Variants in ALKBH8 observed in about 807,000 individuals in gnomAD.
ALKBH8 encodes alkB homolog 8, tRNA methyltransferase.
Under a neutral mutation model 59.8 loss-of-function variants are expected in ALKBH8, and 36 were observed. The ratio of observed to expected loss-of-function variants is 0.60; its 90% CI spans 0.46 to 0.79. The LOEUF (loss-of-function observed/expected upper bound fraction) is 0.79. ALKBH8 is among the 30% of genes least tolerant of loss of function. The probability of loss-of-function intolerance (pLI) is 0.00; values close to 1 mark genes in which losing one functional copy is unlikely to be tolerated. For synonymous variants in ALKBH8, 276 were observed against 273.6 expected (o/e 1.01, Z -0.09); for missense variants, 768 against 801.0 (o/e 0.96, Z 0.50).
At chr11:107,548,637 T>C (rs1314294236) in intron 7 of ALKBH8, among the ~76,000 whole-genome samples, 1 of 152,226 alleles carries the variant, frequency 6.6e-6, no homozygotes, top group Non-Finnish European at 1.5e-5. Flanking sequence ...ACACCACTAA[T>C]TGTCAAGTGA....
intron 6 of ALKBH8, among the ~76,000 whole-genome samples, chr11:107,550,356 A>G (rs762913818): frequency 4.2e-4 from 64 of 152,374 alleles, no homozygotes; most frequent in Middle Eastern, 6.8e-3. Flanking sequence ...TTACAAGCCA[A>G]TGGAAAGACA....
intron 10 of ALKBH8, among the ~76,000 whole-genome samples, chr11:107,515,063 G>A (rs991601522): frequency 2.0e-5 from 3 of 152,118 alleles, no homozygotes; most frequent in Non-Finnish European, 4.4e-5. Context: ...ACTGACCAAC[G>A]ACCTGACTCA....
Position 107,525,547 on chromosome 11 carries a change from A to G in ALKBH8, c.924T>C (p.Leu308=), listed in dbSNP as rs1193867418. The change falls in exon 9 of 12, where the codon CTT becomes CTC. Residue 308 remains leucine (L), a synonymous_variant. Coordinates refer to ENST00000428149, the MANE Select transcript of ALKBH8 (RefSeq NM_138775.3). ...KFDTVQASES[L]KSGIITSDVG... ...CATCACTGGTGATAATTCCACTTTT[A>G]AGACTCTCAGATGCTTGAACAGTAT... 1.3e-6 allele frequency: 2 copies of G among 1,528,386 alleles called. No individual in the cohort carries two copies. Among genetic ancestry groups the G allele is most frequent in the Admixed American group, 4.3e-5 (2 of 46,234 alleles). 94.7% of individuals were successfully genotyped at this position (1,528,386 alleles called of 1,614,324 possible).
intron 10 of ALKBH8, among the ~76,000 whole-genome samples, chr11:107,511,609 T>G (rs943696835): frequency 6.6e-6 from 1 of 152,126 alleles, no homozygotes; most frequent in Non-Finnish European, 1.5e-5. Flanking sequence ...GGAGTTTCGC[T>G]CTTGTTGCCC....
intron 1 of ALKBH8, chr11:107,563,438 A>C (rs1865013375): frequency 1.3e-5 from 2 of 152,240 alleles, no homozygotes; most frequent in African/African-American, 4.8e-5. Context: ...TGAGTTGGTT[A>C]TATAGCTCTG....
At chr11:107,546,273 T>C (rs1449375918) in intron 7 of ALKBH8, among the ~76,000 whole-genome samples, 1 of 152,228 alleles carries the variant, frequency 6.6e-6, no homozygotes. Context: ...ACTCTTACGG[T>C]ACTTGATGAA....
In ALKBH8 at chr11:107,525,429, G is replaced by A. The variant is rs772966874; in HGVS notation, c.1030+12C>T. The A allele has an allele frequency of 1.6e-4, 242 of 1,541,258 alleles. No individual in the cohort carries two copies. Among genetic ancestry groups the A allele is most frequent in the Non-Finnish European group, 2.1e-4 (235 of 1,142,574 alleles). ...ACTCCATTTTACAGACGAGATAAGA[G>A]TATATACTTACTACAGTTACAAGGT... On this transcript the variant is annotated intron_variant, in intron 9 of 11. Transcript: ENST00000428149.
intron 6 of ALKBH8, among the ~76,000 whole-genome samples, chr11:107,550,192 C>T (rs768293900): frequency 6.6e-6 from 1 of 152,150 alleles, no homozygotes; most frequent in South Asian, 2.1e-4. Flanking sequence ...AAAGCAATAA[C>T]CAGGTATAAA....
At chr11:107,537,197 C>T (rs888905997) in intron 7 of ALKBH8, among the ~76,000 whole-genome samples, 7 of 152,218 alleles carry the variant, frequency 4.6e-5, no homozygotes, top group African/African-American at 1.2e-4. Flanking sequence ...TAGTTTTGTG[C>T]AGTGTTTCCA....
chr11:107,535,129 C>G (rs189507323), intron 7 of ALKBH8, among the ~76,000 whole-genome samples: 1 of 152,278 alleles, frequency 6.6e-6, no homozygotes, highest in Non-Finnish European at 1.5e-5. Context: ...TCTATATATA[C>G]CACATTTTCT....
At chr11:107,565,219 G>C (rs372813722) in intron 1 of ALKBH8, 21 of 251,888 alleles carry the variant, frequency 8.3e-5, no homozygotes, top group Middle Eastern at 1.3e-3. Flanking sequence ...ACTCAGCTGC[G>C]CAAGGGATCA....
At chr11:107,545,643 C>G (rs605362) in intron 7 of ALKBH8, among the ~76,000 whole-genome samples, 2,952 of 152,288 alleles carry the variant, frequency 0.019, 91 homozygotes, top group African/African-American at 0.066. Flanking sequence ...GATGAACGGA[C>G]TTCCATAAAA....
At chr11:107,530,764 A>G (rs1863562252) in intron 8 of ALKBH8, among the ~76,000 whole-genome samples, 1 of 152,178 alleles carries the variant, frequency 6.6e-6, no homozygotes, top group Admixed American at 6.5e-5. Flanking sequence ...TTAAAAATAA[A>G]TATTACCTAT....
chr11:107,544,815 C>CCACACACACA (rs5794557), intron 7 of ALKBH8, among the ~76,000 whole-genome samples: 33 of 138,558 alleles, frequency 2.4e-4, no homozygotes, highest in Non-Finnish European at 3.4e-4. Context: ...TAGATACAAA[C>CCACACACACA]CACACACACA....
Position 107,557,021 on chromosome 11 carries a change from C to A in ALKBH8, c.130-18G>T, listed in dbSNP as rs1205519102. ...ACCAGGCTCTTAAAAAACAAACAAACAAACAAAAAGAAAGTAACATGAGCA... is the reference window on the plus strand; with the variant it reads ...ACCAGGCTCTTAAAAAACAAACAAAAAAACAAAAAGAAAGTAACATGAGCA... On this transcript the variant is annotated intron_variant, in intron 2 of 11. Transcript: ENST00000428149. 2 of 1,505,164 alleles carry A rather than the reference C, an allele frequency of 1.3e-6. No homozygotes were observed. Among genetic ancestry groups the A allele is most frequent in the Admixed American group, 2.2e-5 (1 of 45,688 alleles). 93.2% of individuals were successfully genotyped at this position (1,505,164 alleles called of 1,614,324 possible). A position where few individuals can be genotyped will look rare whatever the true frequency, so the allele number is the denominator to read the frequency against.
intron 7 of ALKBH8, among the ~76,000 whole-genome samples, chr11:107,545,476 T>C (rs1376507153): frequency 6.6e-6 from 1 of 152,124 alleles, no homozygotes; most frequent in Non-Finnish European, 1.5e-5. Context: ...TCAACAGGTA[T>C]TTGCTGAAAG....
chr11:107,544,546 G>T (rs1864170359), intron 7 of ALKBH8, among the ~76,000 whole-genome samples: 1 of 152,098 alleles, frequency 6.6e-6, no homozygotes, highest in Non-Finnish European at 1.5e-5. Flanking sequence ...GTGAAAAATA[G>T]AATTCAATGT....
chr11:107,540,128 C>G (rs1425186943), intron 7 of ALKBH8, among the ~76,000 whole-genome samples: 1 of 152,098 alleles, frequency 6.6e-6, no homozygotes, highest in African/African-American at 2.4e-5. Flanking sequence ...TAGAAGCTTT[C>G]CTAGTTATCA....
intron 7 of ALKBH8, among the ~76,000 whole-genome samples, chr11:107,545,892 A>C (rs965876801): frequency 6.6e-6 from 1 of 152,222 alleles, no homozygotes; most frequent in Non-Finnish European, 1.5e-5. Flanking sequence ...ACATCTGAAA[A>C]TCTGGCAGAG....
Sources: allele counts gnomAD v4.1 joint callset (sites outside exome capture counted in the v4.1 genomes callset), GRCh38; gene constraint gnomAD v4.1.1; transcripts MANE v1.5; gene names NCBI Gene and HGNC (gene_info 2026-07-23, HGNC 2026-07-21).